ITGB3: variants seen among roughly 807,000 people sequenced by gnomAD.
ITGB3 encodes integrin subunit beta 3.
A neutral mutation model predicts 85.8 loss-of-function variants in ITGB3; 48 were observed. The observed-to-expected ratio is 0.56, with a 90% CI of 0.44 to 0.71. The LOEUF is 0.71. Among genes scored for constraint, ITGB3 ranks in the 30% least tolerant of loss-of-function variants. The pLI is 0.00. For synonymous variants in ITGB3, 363 were observed against 395.6 expected (o/e 0.92, Z 0.98); for missense variants, 861 against 1,019.1 (o/e 0.84, Z 2.11).
At chr17:47,263,761 A>C (rs923326692) in intron 1 of ITGB3, among the ~76,000 whole-genome samples, 4 of 152,108 alleles carry the variant, frequency 2.6e-5, no homozygotes, top group Admixed American at 6.6e-5. Context: ...CAGTGCTCAG[A>C]TTACAGTGTT....
rs1415766223 is a variant in ITGB3 at position 47,292,292 on chromosome 17, C to T, written c.1414C>T (p.His472Tyr). Residue 472 changes from histidine (H) to tyrosine (Y), a missense_variant, in exon 10 of 15, where the codon CAT (histidine) becomes TAT (tyrosine). His to Tyr is a moderately conservative substitution (Grantham distance 83). Coordinates refer to ENST00000559488, the MANE Select transcript of ITGB3 (RefSeq NM_000212.3). ...ACQAQAEPNS[H>Y]RCNNGNGTFE... ...CCAGGCCCAAGCTGAACCTAATAGC[C>T]ATCGCTGCAACAATGGCAATGGGAC... 6.2e-7 allele frequency: 1 copy of T among 1,614,204 alleles called. No homozygotes were observed. The highest frequency in any genetic ancestry group is 1.3e-5 in the African/African-American group (1 of 75,050).
At chr17:47,278,929 C>T (rs1365162336) in intron 2 of ITGB3, among the ~76,000 whole-genome samples, 3 of 152,234 alleles carry the variant, frequency 2.0e-5, no homozygotes, top group Non-Finnish European at 4.4e-5. Flanking sequence ...TCCCTGAAAC[C>T]AGTCCCTGGT....
In ITGB3 at chr17:47,287,203, A is replaced by G. The variant is rs1212401188; in HGVS notation, c.911A>G (p.Asp304Gly). ...PNDGQCHVGS[D>G]NHYSASTTMD... Reference sequence around the variant, plus strand: ...GACGGGCAGTGTCATGTTGGTAGTGACAATCATTACTCTGCCTCCACTACC... The same window carrying G: ...GACGGGCAGTGTCATGTTGGTAGTGGCAATCATTACTCTGCCTCCACTACC... Residue 304 changes from aspartate to glycine, a missense_variant, in exon 6 of 15, where the codon GAC becomes GGC. Transcript: ENST00000559488. The G allele has an allele frequency of 6.2e-7, 1 of 1,613,938 alleles. No individual in the cohort carries two copies. The highest frequency in any genetic ancestry group is 1.3e-5 in the African/African-American group (1 of 75,040).
chr17:47,274,324 TA>T, intron 1 of ITGB3, 94 bp from the exon 2 acceptor site: 1 of 1,054,144 alleles, frequency 9.5e-7, no homozygotes, highest in Non-Finnish European at 1.5e-6. Flanking sequence ...CTGAGAGCTG[TA>T]AACCTGGACA....
At chr17:47,287,281 GC>G in intron 6 of ITGB3, 50 bp downstream of exon 6, 1 of 1,602,132 alleles carries the variant, frequency 6.2e-7, no homozygotes. Context: ...TGTGAGGGTT[GC>G]CCTAATCTAG....
Position 47,300,594 on chromosome 17 carries a change from C to T in ITGB3, c.2014+16C>T, listed in dbSNP as rs1456693776. The stretch of plus-strand genomic sequence containing the variant: ...AAAGAGCTTAGTAAGTTCAGCACAT[C>T]TTAGAGTTGCACACACCCAGGTTCT... On this transcript the variant is annotated intron_variant, in intron 12 of 14. Transcript: ENST00000559488. The T allele has an allele frequency of 1.9e-6, 3 of 1,578,434 alleles. No individual in the cohort carries two copies. The highest frequency in any genetic ancestry group is 2.6e-6 in the Non-Finnish European group (3 of 1,148,708).
chr17:47,312,569 GTGTT>G lies in ITGB3; in HGVS notation c.*2366_*2369del, dbSNP rs2143165026. ...AGTTACTAAGACAGAGTCCATGAGA[GTGTT>G]AATGGGACATTTTCTTTAGATAAGA... On this transcript the variant is annotated 3_prime_UTR_variant, in exon 15 of 15. Transcript: ENST00000559488. 6.6e-6 allele frequency among the ~76,000 whole-genome samples: 1 copy of G among 152,322 alleles called. No individual in the cohort carries two copies. The highest frequency in any genetic ancestry group is 1.9e-4 in the East Asian group (1 of 5,188).
In ITGB3 at chr17:47,312,001, G is replaced by T. The variant is rs1258299202; in HGVS notation, c.*1797G>T. Among the ~76,000 whole-genome samples the T allele has an allele frequency of 6.6e-6, 1 of 152,162 alleles. No homozygotes were observed. Among genetic ancestry groups the T allele is most frequent in the Non-Finnish European group, 1.5e-5 (1 of 68,036 alleles). ...GGACTTACTGTGTCATCAAATGTGC[G>T]GTTAAGATTCTCTGGGATATTGATA... On this transcript the variant is annotated 3_prime_UTR_variant, in exon 15 of 15. Transcript: ENST00000559488.
intron 1 of ITGB3, among the ~76,000 whole-genome samples, chr17:47,263,149 T>G (rs2065014254): frequency 6.6e-6 from 1 of 152,298 alleles, no homozygotes; most frequent in East Asian, 1.9e-4. Flanking sequence ...CCTGCTGCTT[T>G]GCATGCTTTT....
rs2065156865 is a variant in ITGB3, at chr17:47,299,273, C to T, written c.1691-35C>T. The T allele has an allele frequency of 6.3e-7, 1 of 1,599,562 alleles. No individual in the cohort carries two copies. The highest frequency in any genetic ancestry group is 1.7e-5 in the Admixed American group (1 of 59,984). ...GCTGCCATGGGAGTGGAGCTCTCGC[C>T]AGCGGGTCCACCTTCCTGGGCTGTG... On this transcript the variant is annotated intron_variant, in intron 10 of 14. Coordinates refer to ENST00000559488, the MANE Select transcript of ITGB3 (RefSeq NM_000212.3). This position sits in a 1 kb window ranked among gnomAD's most constrained non-coding sequence, Gnocchi z 5.1.
intron 2 of ITGB3, among the ~76,000 whole-genome samples, chr17:47,278,622 C>T (rs2065072145): frequency 6.6e-6 from 1 of 151,992 alleles, no homozygotes; most frequent in Non-Finnish European, 1.5e-5. Context: ...CATTTATTTG[C>T]TTATACTGTG....
At chr17:47,267,134 A>T (rs74628763) in intron 1 of ITGB3, among the ~76,000 whole-genome samples, 11,661 of 152,228 alleles carry the variant, frequency 0.077, 650 homozygotes, top group East Asian at 0.28. Context: ...GCATTTATTG[A>T]GTACTTTCTG....
In ITGB3 at chr17:47,292,135, C is replaced by G; in HGVS notation, c.1261-4C>G. 2 of 1,614,010 alleles carry G rather than the reference C, an allele frequency of 1.2e-6. No homozygotes were observed. The highest frequency in any genetic ancestry group is 1.3e-5 in the African/African-American group (1 of 75,038). ...GTCTAAATACAATCTTTCTTTCCAT[C>G]CAGGTGAGCTTCAGCATTGAGGCCA... is the stretch of plus-strand genomic sequence containing the variant. On this transcript the variant is annotated splice_region_variant and splice_polypyrimidine_tract_variant and intron_variant, in intron 9 of 14. Transcript: ENST00000559488.
chr17:47,300,704 A>C, intron 12 of ITGB3, 126 bp downstream of exon 12: 1 of 738,132 alleles, frequency 1.4e-6, no homozygotes, highest in Non-Finnish European at 2.4e-6. Flanking sequence ...AATGTTGTGC[A>C]GGCTTGAGGA....
intron 13 of ITGB3, 24 bp from the exon 14 acceptor site, chr17:47,307,447 C>T: frequency 6.2e-7 from 1 of 1,613,370 alleles, no homozygotes; most frequent in Non-Finnish European, 8.5e-7. Flanking sequence ...CACAACCGCC[C>T]TGCTCTGTGC....
At chr17:47,281,282 G>A (rs1034896298) in intron 2 of ITGB3, among the ~76,000 whole-genome samples, 8 of 152,222 alleles carry the variant, frequency 5.3e-5, no homozygotes, top group East Asian at 1.9e-4. Flanking sequence ...AGGAGAGCCC[G>A]AAGGCCTAGA....
intron 1 of ITGB3, among the ~76,000 whole-genome samples, chr17:47,259,072 G>A (rs1450917273): frequency 6.6e-6 from 1 of 152,188 alleles, no homozygotes; most frequent in Admixed American, 6.5e-5. Context: ...TTTATAATTG[G>A]ATAGATGTAT....
At position 47,310,388 on chromosome 17, in the gene ITGB3, A is replaced by G. The variant is rs2065209314; in HGVS notation, c.*184A>G. 5.8e-6 allele frequency: 4 copies of G among 686,526 alleles called. No individual in the cohort carries two copies. The highest frequency in any genetic ancestry group is 4.1e-5 in the Admixed American group (2 of 49,376). 42.5% of individuals were successfully genotyped at this position (686,526 alleles called of 1,614,324 possible). A position where few individuals can be genotyped will look rare whatever the true frequency, so the allele number is the denominator to read the frequency against. ...TGTGTATGTGGGGGTCTGTGTGTTT[A>G]TGTGTGTGTGTTGTGTGTGGGAGTG... On this transcript the variant is annotated 3_prime_UTR_variant, in exon 15 of 15. Transcript: ENST00000559488.
At position 47,287,149 on chromosome 17, in the gene ITGB3, G is replaced by C; in HGVS notation, c.857G>C (p.Gly286Ala). Residue 286 changes from glycine (G) to alanine (A), a missense_variant, in exon 6 of 15, where the codon GGA becomes GCA. Transcript: ENST00000559488. Reference sequence around the variant, plus strand: ...GCCAAGACTCATATAGCATTGGACGGAAGGCTGGCAGGCATTGTCCAGCCT... The same window carrying C: ...GCCAAGACTCATATAGCATTGGACGCAAGGCTGGCAGGCATTGTCCAGCCT... ...TDAKTHIALD[G>A]RLAGIVQPND... 6.2e-7 allele frequency: 1 copy of C among 1,614,042 alleles called. No homozygotes were observed. Among genetic ancestry groups the C allele is most frequent in the Non-Finnish European group, 8.5e-7 (1 of 1,179,918 alleles).
Sources: allele counts gnomAD v4.1 joint callset (sites outside exome capture counted in the v4.1 genomes callset), GRCh38; gene constraint gnomAD v4.1.1; non-coding constraint Gnocchi (gnomAD v3.1); transcripts MANE v1.5; gene names NCBI Gene and HGNC (gene_info 2026-07-23, HGNC 2026-07-21).